PKIB: variants seen among roughly 807,000 people sequenced by gnomAD.
PKIB encodes the protein cAMP-dependent protein kinase inhibitor beta, also known as PKI-beta.
In PKIB, 2 loss-of-function variants were observed where a neutral mutation model predicts 4.5. The ratio of observed to expected loss-of-function variants is 0.44; its 90% CI spans 0.18 to 1.39. The LOEUF is 1.39. Among genes scored for constraint, PKIB ranks in the 40% most tolerant of loss-of-function variants. PKIB has a pLI of 0.27. For synonymous variants in PKIB, 38 were observed against 36.0 expected, an observed-to-expected ratio of 1.06 and a Z score of -0.20; for missense variants, 94 against 92.6, an observed-to-expected ratio of 1.02 and a Z score of -0.06.
intron 2 of PKIB, among the ~76,000 whole-genome samples, chr6:122,638,421 C>T (rs1776008633): frequency 6.6e-6 from 1 of 152,156 alleles, no homozygotes; most frequent in Admixed American, 6.6e-5. Flanking sequence ...ACTTTCTAGT[C>T]TTTCTGTTCA....
Position 122,725,574 on chromosome 6 carries a change from C to A in PKIB, c.*379C>A, listed in dbSNP as rs912683496. 3 of 162,432 alleles carry A rather than the reference C, an allele frequency of 1.8e-5. No homozygotes were observed. Among genetic ancestry groups the A allele is most frequent in the Non-Finnish European group, 2.7e-5 (2 of 75,032 alleles). The allele number at this position is 162,432 out of a possible 1,614,324, so 10.1% of individuals were successfully genotyped here. On this transcript the variant is annotated 3_prime_UTR_variant, in exon 5 of 5. Coordinates refer to ENST00000368452, the MANE Select transcript of PKIB (RefSeq NM_181795.3). ...TCATTCTTGGTAAATGTAAATCAAA[C>A]ATGATTGATTTAAAACTTCATGGAA... is the stretch of plus-strand genomic sequence containing the variant.
At chr6:122,572,787 A>G (rs1431446465) in intron 2 of PKIB, among the ~76,000 whole-genome samples, 5 of 152,122 alleles carry the variant, frequency 3.3e-5, no homozygotes, top group Admixed American at 3.3e-4. Context: ...TGAAACTGGC[A>G]ATATTACAAC....
At chr6:122,511,608 C>A (rs548337286) in intron 2 of PKIB, among the ~76,000 whole-genome samples, 77 of 152,186 alleles carry the variant, frequency 5.1e-4, no homozygotes, top group African/African-American at 1.6e-3. Flanking sequence ...TGAGAAGAGA[C>A]GGGTCAAGAG....
At chr6:122,536,188 C>T (rs370583940) in intron 2 of PKIB, among the ~76,000 whole-genome samples, 10 of 152,290 alleles carry the variant, frequency 6.6e-5, no homozygotes, top group African/African-American at 2.2e-4. Context: ...GATCCACCTG[C>T]CTTGGCCTCC....
chr6:122,500,508 CTGT>C (rs1776198870), intron 2 of PKIB, among the ~76,000 whole-genome samples: 1 of 152,162 alleles, frequency 6.6e-6, no homozygotes, highest in African/African-American at 2.4e-5. Flanking sequence ...AACCTTTATG[CTGT>C]GCAGCTAGGA....
chr6:122,507,992 T>A (rs998114707), intron 2 of PKIB, among the ~76,000 whole-genome samples: 2 of 152,166 alleles, frequency 1.3e-5, no homozygotes, highest in African/African-American at 4.8e-5. Context: ...TTTTAATTTT[T>A]TGTTTATGTA....
At chr6:122,604,071 C>A (rs941083642) in intron 3 of PKIB, among the ~76,000 whole-genome samples, 15 of 152,192 alleles carry the variant, frequency 9.9e-5, no homozygotes, top group African/African-American at 3.6e-4. Flanking sequence ...AGATGCTGCA[C>A]CATTAAATGG....
chr6:122,699,892 C>G (rs1245849569), intron 3 of PKIB, among the ~76,000 whole-genome samples: 1 of 152,078 alleles, frequency 6.6e-6, no homozygotes, highest in Non-Finnish European at 1.5e-5. Context: ...TCTCTTTGTC[C>G]TCTATTTTAT....
intron 2 of PKIB, among the ~76,000 whole-genome samples, chr6:122,499,982 A>T (rs1776180799): frequency 6.6e-6 from 1 of 152,170 alleles, no homozygotes; most frequent in African/African-American, 2.4e-5. Flanking sequence ...CTAAGAATAC[A>T]TCTAACAAAG....
At chr6:122,501,408 C>T (rs897647848) in intron 2 of PKIB, among the ~76,000 whole-genome samples, 5 of 152,208 alleles carry the variant, frequency 3.3e-5, no homozygotes, top group Non-Finnish European at 7.3e-5. Context: ...GGACTTCTAC[C>T]TGGACATCCA....
intron 2 of PKIB, among the ~76,000 whole-genome samples, chr6:122,663,327 A>G (rs1777085215): frequency 6.6e-6 from 1 of 152,194 alleles, no homozygotes; most frequent in Non-Finnish European, 1.5e-5. Context: ...ATGTAACCTG[A>G]AAGAAGAGCC....
intron 2 of PKIB, among the ~76,000 whole-genome samples, chr6:122,558,655 G>A (rs764671184): frequency 9.9e-5 from 15 of 151,916 alleles, no homozygotes; most frequent in Non-Finnish European, 2.1e-4. Context: ...TACATACATT[G>A]CTTCTATGTA....
intron 2 of PKIB, among the ~76,000 whole-genome samples, chr6:122,649,136 T>C (rs1331767610): frequency 2.0e-5 from 3 of 152,276 alleles, no homozygotes; most frequent in Middle Eastern, 3.4e-3. Context: ...TTTAGAGAGG[T>C]CTATCTGCAT....
chr6:122,633,564 A>G (rs947907464), intron 2 of PKIB, among the ~76,000 whole-genome samples, 197 bp downstream of exon 2: 2 of 152,212 alleles, frequency 1.3e-5, no homozygotes, highest in Non-Finnish European at 1.5e-5. Flanking sequence ...ATAGCAAACG[A>G]TACATACTGG....
chr6:122,539,714 T>A (rs1340939822), intron 2 of PKIB, among the ~76,000 whole-genome samples: 1 of 151,720 alleles, frequency 6.6e-6, no homozygotes, highest in Non-Finnish European at 1.5e-5. Context: ...TTAGGGAGGA[T>A]TCCCTCTTTT....
At chr6:122,518,888 G>A (rs1282515634) in intron 2 of PKIB, among the ~76,000 whole-genome samples, 1 of 152,182 alleles carries the variant, frequency 6.6e-6, no homozygotes, top group Non-Finnish European at 1.5e-5. Flanking sequence ...TTCAGACGCA[G>A]ACTGAGCACC....
intron 2 of PKIB, among the ~76,000 whole-genome samples, chr6:122,561,152 T>G (rs986973182): frequency 1.3e-5 from 2 of 152,030 alleles, no homozygotes; most frequent in Non-Finnish European, 2.9e-5. Context: ...TTGTGCACTT[T>G]CAGTCTTTTT....
intron 1 of PKIB, among the ~76,000 whole-genome samples, chr6:122,612,488 C>CTA (rs1055502455): frequency 2.0e-5 from 3 of 152,162 alleles, no homozygotes; most frequent in African/African-American, 7.2e-5. Flanking sequence ...AACCATTAAT[C>CTA]TACTTTCAGT....
chr6:122,668,099 T>C (rs1166138254), intron 2 of PKIB, among the ~76,000 whole-genome samples: 1 of 152,218 alleles, frequency 6.6e-6, no homozygotes, highest in Non-Finnish European at 1.5e-5. Flanking sequence ...TCAGCTATTC[T>C]GCAACCATAT....
Sources: gnomAD v4.1 joint callset for allele counts (sites outside exome capture counted in the v4.1 genomes callset) on GRCh38, gnomAD v4.1.1 for gene constraint, MANE v1.5 for transcripts, NCBI Gene and HGNC (gene_info 2026-07-23, HGNC 2026-07-21) for gene names.